RFPL4AL1: variants seen among roughly 807,000 people sequenced by gnomAD.
The protein encoded by RFPL4AL1 is ret finger protein like 4A like 1.
A neutral mutation model predicts 8.2 loss-of-function variants in RFPL4AL1; 2 were observed. That is an observed-to-expected ratio of 0.24 (90% CI 0.10 to 0.77). RFPL4AL1 has a LOEUF of 0.77. RFPL4AL1 is among the 30% of genes least tolerant of loss of function. The pLI, the probability that RFPL4AL1 is intolerant of heterozygous loss-of-function variation, is 0.72. For missense variants in RFPL4AL1, 57 were observed against 350.3 expected, an observed-to-expected ratio of 0.16 and a Z score of 6.68; for synonymous variants, 25 against 131.8, an observed-to-expected ratio of 0.19 and a Z score of 5.55.
chr19:55,769,966 T>C (rs1216133053), intron 1 of RFPL4AL1, among the ~76,000 whole-genome samples: 1 of 151,962 alleles, frequency 6.6e-6, no homozygotes, highest in African/African-American at 2.4e-5. Flanking sequence ...GACGCTGGGG[T>C]TGTTTCCATG....
At position 55,771,937 on chromosome 19, in the gene RFPL4AL1, G is replaced by A; in HGVS notation, c.133G>A (p.Glu45Lys). Residue 45 changes from glutamate to lysine, a missense_variant, in exon 2 of 3, where the codon GAA becomes AAA. Coordinates refer to ENST00000341750, the MANE Select transcript of RFPL4AL1 (RefSeq NM_001277397.2). Reference protein sequence around the residue: ...LNSLQKEPDGEGLLCRFCSVV... With the variant: ...LNSLQKEPDGKGLLCRFCSVV... ...TTCACTCCAGAAGGAGCCCGATGGG[G>A]AAGGTTTACTGTGCCGTTTCTGCTC... 6.5e-7 allele frequency: 1 copy of A among 1,534,092 alleles called. No individual in the cohort carries two copies. The highest frequency in any genetic ancestry group is 2.5e-5 in the East Asian group (1 of 40,278).
At chr19:55,770,421 G>C (rs1418616304) in intron 1 of RFPL4AL1, among the ~76,000 whole-genome samples, 13 of 151,914 alleles carry the variant, frequency 8.6e-5, no homozygotes, top group Non-Finnish European at 1.6e-4. Context: ...AAAGCACACT[G>C]TTAGGAGAGA....
intron 1 of RFPL4AL1, among the ~76,000 whole-genome samples, chr19:55,770,888 T>G (rs1488225038): frequency 1.3e-5 from 2 of 151,984 alleles, no homozygotes; most frequent in Non-Finnish European, 2.9e-5. Flanking sequence ...AGGTTGAGCT[T>G]GTTCCTCAGT....
At position 55,773,149 on chromosome 19, in the gene RFPL4AL1, C is replaced by T. The variant is rs1312768787; in HGVS notation, c.834C>T (p.Ala278=). The T allele has an allele frequency of 6.5e-7, 1 of 1,543,486 alleles. No individual in the cohort carries two copies. Among genetic ancestry groups the T allele is most frequent in the African/African-American group, 1.4e-5 (1 of 72,304 alleles). Residue 278 remains alanine (A), a synonymous_variant, in exon 3 of 3, where the codon GCC becomes GCT. Coordinates refer to ENST00000341750, the MANE Select transcript of RFPL4AL1 (RefSeq NM_001277397.2). ...SICSVINPST[A]SAPVSSEGK ...GTTCTGTGATCAATCCATCCACTGC[C>T]AGTGCCCCAGTTTCTTCTGAGGGAA...
At chr19:55,771,079 G>GTTTTTTTTTTTTTTTTTTTTTTTTT (rs1243816491) in intron 1 of RFPL4AL1, among the ~76,000 whole-genome samples, 5 of 89,512 alleles carry the variant, frequency 5.6e-5, no homozygotes, top group Non-Finnish European at 5.0e-5. Flanking sequence ...TTTTAGTTCT[G>GTTTTTTTTTTTTTTTTTTTTTTTTT]TTTTTTGTTT....
At position 55,772,861 on chromosome 19, in the gene RFPL4AL1, A is replaced by G; in HGVS notation, c.546A>G (p.Ser182=). The G allele has an allele frequency of 7.1e-6, 11 of 1,550,824 alleles. No individual in the cohort carries two copies. The highest frequency in any genetic ancestry group is 9.6e-6 in the Non-Finnish European group (11 of 1,146,686). Residue 182 remains serine, a synonymous_variant, in exon 3 of 3, where the codon TCA becomes TCG. Coordinates refer to ENST00000341750, the MANE Select transcript of RFPL4AL1 (RefSeq NM_001277397.2). ...GACAGGGGAAGATTGAGCTTTCTTC[A>G]GAACACGGCTTCTTGACTGTGGGTT... is the stretch of plus-strand genomic sequence containing the variant. ...VNRQGKIELS[S]EHGFLTVGCR...
At chr19:55,771,734 A>C in intron 1 of RFPL4AL1, 62 bp from the exon 2 acceptor site, 1 of 1,545,248 alleles carries the variant, frequency 6.5e-7, no homozygotes, top group South Asian at 1.2e-5. Flanking sequence ...AGCCCCAAAC[A>C]CTATCAGCTG....
chr19:55,769,841 C>T (rs539123149), intron 1 of RFPL4AL1, among the ~76,000 whole-genome samples: 37 of 151,924 alleles, frequency 2.4e-4, no homozygotes, highest in African/African-American at 7.5e-4. Context: ...TATTTCACTT[C>T]CCATCATGCC....
chr19:55,772,490 A>G (rs1989518996), intron 2 of RFPL4AL1, 112 bp from the exon 3 acceptor site: 2 of 955,638 alleles, frequency 2.1e-6, no homozygotes, highest in African/African-American at 3.8e-5. Flanking sequence ...GATTTGGGAA[A>G]GAAAGTAGAA....
intron 2 of RFPL4AL1, 59 bp downstream of exon 2, chr19:55,772,149 A>T (rs2122666874): frequency 4.8e-6 from 7 of 1,468,376 alleles, no homozygotes; most frequent in Non-Finnish European, 5.5e-6. Flanking sequence ...ACGACTTTCA[A>T]ACATTTCTTC....
At chr19:55,770,461 C>A (rs555133875) in intron 1 of RFPL4AL1, among the ~76,000 whole-genome samples, 1 of 151,996 alleles carries the variant, frequency 6.6e-6, no homozygotes, top group Admixed American at 6.6e-5. Flanking sequence ...AAGCTGGTGG[C>A]GTTCAAAGGA....
chr19:55,769,335 G>T (rs1989445732), intron 1 of RFPL4AL1, among the ~76,000 whole-genome samples, 160 bp downstream of exon 1: 1 of 151,954 alleles, frequency 6.6e-6, no homozygotes, highest in African/African-American at 2.4e-5. Flanking sequence ...GTAACGGTTA[G>T]GCAACTCTTA....
rs777114833 is a variant in RFPL4AL1 at position 55,772,785 on chromosome 19, T to C, written c.470T>C (p.Val157Ala). 161 of 1,548,394 alleles carry C rather than the reference T, an allele frequency of 1.0e-4. 1 individual carries two copies. Among genetic ancestry groups the C allele is most frequent in the Non-Finnish European group, 1.4e-4 (157 of 1,145,698 alleles). Residue 157 changes from valine (V) to alanine (A), a missense_variant, in exon 3 of 3, where the codon GTG (valine) becomes GCG (alanine). Transcript: ENST00000341750. Reference protein sequence around the residue: ...TSGRHYWEVDVGTSQVWDVGV... With the variant: ...TSGRHYWEVDAGTSQVWDVGV... The stretch of plus-strand genomic sequence containing the variant: ...GGCCGCCATTACTGGGAGGTGGACG[T>C]GGGCACCAGCCAAGTGTGGGATGTG...
intron 1 of RFPL4AL1, among the ~76,000 whole-genome samples, chr19:55,769,781 A>T (rs1402628751): frequency 2.0e-5 from 3 of 151,604 alleles, no homozygotes; most frequent in Non-Finnish European, 2.9e-5. Flanking sequence ...CAGTCAACTC[A>T]GATTCCACAT....
chr19:55,771,087 T>TG (rs1989486949), intron 1 of RFPL4AL1, among the ~76,000 whole-genome samples: 2 of 35,724 alleles, frequency 5.6e-5, no homozygotes, highest in African/African-American at 7.8e-5. Context: ...CTGTTTTTTG[T>TG]TTTTTTTTTT....
chr19:55,769,600 G>A (rs1989451804), intron 1 of RFPL4AL1, among the ~76,000 whole-genome samples: 1 of 151,784 alleles, frequency 6.6e-6, no homozygotes, highest in South Asian at 2.1e-4. Context: ...GAAAGGGAAG[G>A]AAATGAAAAG....
intron 1 of RFPL4AL1, among the ~76,000 whole-genome samples, chr19:55,771,105 T>TTC (rs1989488571): frequency 1.5e-5 from 2 of 134,954 alleles, no homozygotes; most frequent in Admixed American, 7.8e-5. Flanking sequence ...TTTTTTTTTT[T>TTC]CCGCTATGCA....
At chr19:55,772,241 G>C (rs1421377961) in intron 2 of RFPL4AL1, among the ~76,000 whole-genome samples, 151 bp downstream of exon 2, 2 of 133,880 alleles carry the variant, frequency 1.5e-5, no homozygotes, top group Non-Finnish European at 3.4e-5. Context: ...CCTTTGCGTA[G>C]AGATTTTCAT....
Position 55,769,122 on chromosome 19 carries a change from C to G in RFPL4AL1, c.-63C>G, listed in dbSNP as rs1200823861. ...ATGGCAGGCAGCTCTCACTCCAGAT[C>G]TGAGCTGTCCGCAGAAGCAGCTGGA... On this transcript the variant is annotated 5_prime_UTR_variant, in exon 1 of 3. The change creates a new upstream start codon in the 5' untranslated region. Transcript: ENST00000341750. The G allele has an allele frequency of 6.5e-6, 1 of 154,002 alleles. No homozygotes were observed. The highest frequency in any genetic ancestry group is 2.4e-5 in the African/African-American group (1 of 41,470). 9.5% of individuals were successfully genotyped at this position (154,002 alleles called of 1,614,324 possible). A position where few individuals can be genotyped will look rare whatever the true frequency, so the allele number is the denominator to read the frequency against.
Sources: gnomAD v4.1 joint callset for allele counts (sites outside exome capture counted in the v4.1 genomes callset) on GRCh38, gnomAD v4.1.1 for gene constraint, MANE v1.5 for transcripts, NCBI Gene and HGNC (gene_info 2026-07-23, HGNC 2026-07-21) for gene names.